Variants in ERC2 observed in about 807,000 individuals in gnomAD.
The protein encoded by ERC2 is ELKS/RAB6-interacting/CAST family member 2, also known as ERC protein 2.
A neutral mutation model predicts 114.8 loss-of-function variants in ERC2; 42 were observed. The ratio of observed to expected loss-of-function variants is 0.37; its 90% confidence interval spans 0.29 to 0.47. ERC2 has a LOEUF of 0.47. ERC2 is among the 20% of genes least tolerant of loss of function. The pLI, the probability that ERC2 is intolerant of heterozygous loss-of-function variation, is 0.99. For missense variants in ERC2, 939 were observed against 1,150.7 expected (o/e 0.82, Z 2.66); for synonymous variants, 454 against 425.5 (o/e 1.07, Z -0.82).
intron 3 of ERC2, among the ~76,000 whole-genome samples, chr3:56,188,785 T>C (rs998652074): frequency 6.6e-6 from 1 of 152,212 alleles, no homozygotes; most frequent in African/African-American, 2.4e-5. Flanking sequence ...GGCTGAAGCC[T>C]GAAAGATTTC....
chr3:55,775,537 A>AAAAT (rs10659476), intron 14 of ERC2, among the ~76,000 whole-genome samples: 64,431 of 132,850 alleles, frequency 0.48, 16,456 homozygotes, highest in Admixed American at 0.6. Context: ...ACCCTGTCTC[A>AAAAT]AAATAAATAA....
intron 17 of ERC2, among the ~76,000 whole-genome samples, chr3:55,571,443 G>A (rs1008867986): frequency 6.6e-6 from 1 of 152,244 alleles, no homozygotes; most frequent in Non-Finnish European, 1.5e-5. Flanking sequence ...TCTTCTAGGG[G>A]TCTCACACTC....
intron 7 of ERC2, among the ~76,000 whole-genome samples, chr3:56,051,826 A>AACACACACACAC (rs370057271): frequency 1.5e-5 from 2 of 130,028 alleles, no homozygotes; most frequent in African/African-American, 5.6e-5. Flanking sequence ...CTCCATCTCA[A>AACACACACACAC]ACACACACAC....
chr3:55,674,626 T>C (rs1286826340), intron 17 of ERC2, among the ~76,000 whole-genome samples: 3 of 152,210 alleles, frequency 2.0e-5, no homozygotes, highest in Non-Finnish European at 4.4e-5. Context: ...AAAGATACAA[T>C]GTGCAGCGAG....
At chr3:56,401,128 C>T (rs9851654) in intron 2 of ERC2, among the ~76,000 whole-genome samples, 6,771 of 152,220 alleles carry the variant, frequency 0.044, 372 homozygotes, top group African/African-American at 0.13. Flanking sequence ...CACAAAAGCT[C>T]GAATAATTTT....
intron 2 of ERC2, among the ~76,000 whole-genome samples, chr3:56,309,232 G>T (rs1047488765): frequency 6.6e-6 from 1 of 152,186 alleles, no homozygotes; most frequent in African/African-American, 2.4e-5. Context: ...AATATGGATA[G>T]GTGATTTTTA....
At chr3:55,565,932 C>G (rs1302866924) in intron 17 of ERC2, among the ~76,000 whole-genome samples, 2 of 152,226 alleles carry the variant, frequency 1.3e-5, no homozygotes, top group African/African-American at 2.4e-5. Context: ...AAATCCAAAA[C>G]TACACTTCTC....
At chr3:56,160,811 T>C (rs1338590613) in intron 4 of ERC2, among the ~76,000 whole-genome samples, 1 of 152,196 alleles carries the variant, frequency 6.6e-6, no homozygotes, top group Non-Finnish European at 1.5e-5. Context: ...TATTTCTGGG[T>C]TCTCTATTCT....
At chr3:56,096,655 G>T (rs76822203) in intron 6 of ERC2, among the ~76,000 whole-genome samples, 137 of 152,238 alleles carry the variant, frequency 9.0e-4, no homozygotes, top group African/African-American at 3.1e-3. Context: ...AATGATAGAA[G>T]TGTCACTTAT....
intron 14 of ERC2, among the ~76,000 whole-genome samples, chr3:55,748,231 C>T (rs1417158359): frequency 6.6e-6 from 1 of 152,160 alleles, no homozygotes; most frequent in Non-Finnish European, 1.5e-5. Flanking sequence ...TGAACTCCAA[C>T]CTGAAGCAGC....
chr3:55,821,939 G>C (rs1376997162), intron 14 of ERC2, among the ~76,000 whole-genome samples: 1 of 152,200 alleles, frequency 6.6e-6, no homozygotes. Flanking sequence ...GTACATTCAG[G>C]TGTGTTCATG....
chr3:56,281,767 C>G (rs1420613021), intron 3 of ERC2, among the ~76,000 whole-genome samples: 1 of 152,130 alleles, frequency 6.6e-6, no homozygotes, highest in Non-Finnish European at 1.5e-5. Flanking sequence ...TCAGATATTT[C>G]CCATACAGTA....
intron 4 of ERC2, among the ~76,000 whole-genome samples, chr3:56,169,031 G>A (rs138559474): frequency 8.7e-4 from 132 of 152,256 alleles, no homozygotes; most frequent in African/African-American, 3.0e-3. Flanking sequence ...CTCGCTGACC[G>A]TGGGACTGGA....
rs549167241 is a variant in ERC2 at position 55,995,249 on chromosome 3, C to T, written c.2062-2999G>A. Reference sequence around the variant, plus strand: ...TCAGGAGGCTGAGGCAAGAGAATTGCTTGAACCCAGGAGGCGGAGGTTTCA... The same window carrying T: ...TCAGGAGGCTGAGGCAAGAGAATTGTTTGAACCCAGGAGGCGGAGGTTTCA... On this transcript the variant is annotated intron_variant, in intron 10 of 17. Coordinates refer to ENST00000288221, the MANE Select transcript of ERC2 (RefSeq NM_015576.3). Among the ~76,000 whole-genome samples, 9 of 152,260 alleles carry T rather than the reference C, an allele frequency of 5.9e-5. No homozygotes were observed. The South Asian group carries it at 1.9e-3, about 32-fold the overall frequency.
At chr3:55,634,135 A>G (rs1476319580) in intron 17 of ERC2, among the ~76,000 whole-genome samples, 1 of 152,234 alleles carries the variant, frequency 6.6e-6, no homozygotes, top group Non-Finnish European at 1.5e-5. Flanking sequence ...GTTTTCAGGC[A>G]GCTCTGAAGG....
At chr3:55,995,909 G>T (rs188336347) in intron 10 of ERC2, among the ~76,000 whole-genome samples, 2 of 152,266 alleles carry the variant, frequency 1.3e-5, no homozygotes, top group Admixed American at 6.5e-5. Flanking sequence ...CTCCAAAAAT[G>T]GAATGAAATA....
intron 14 of ERC2, among the ~76,000 whole-genome samples, chr3:55,854,581 G>C (rs1014853435): frequency 6.6e-6 from 1 of 152,158 alleles, no homozygotes; most frequent in Admixed American, 6.5e-5. Context: ...CCTGATTTAA[G>C]AGTCTTCTCG....
At chr3:56,017,910 C>T (rs1278745694) in intron 8 of ERC2, among the ~76,000 whole-genome samples, 1 of 152,068 alleles carries the variant, frequency 6.6e-6, no homozygotes, top group Non-Finnish European at 1.5e-5. Flanking sequence ...GAGTGAGCAT[C>T]CCCAATGCAG....
At chr3:55,980,332 G>A (rs372883323) in intron 12 of ERC2, among the ~76,000 whole-genome samples, 3 of 152,120 alleles carry the variant, frequency 2.0e-5, no homozygotes, top group African/African-American at 7.2e-5. Context: ...ATTTTCCTCA[G>A]ACAAACATAC....
Sources: gnomAD v4.1 joint callset for allele counts (sites outside exome capture counted in the v4.1 genomes callset) on GRCh38, gnomAD v4.1.1 for gene constraint, MANE v1.5 for transcripts, NCBI Gene and HGNC (gene_info 2026-07-23, HGNC 2026-07-21) for gene names.